The following LIN52 variants were observed in gnomAD, a reference collection of about 807,000 sequenced individuals.
LIN52 encodes protein lin-52 homolog.
LIN52 carries 4 observed loss-of-function variants against 18.5 expected under a neutral mutation model. That is an observed-to-expected ratio of 0.22 (90% CI 0.11 to 0.49). The LOEUF is 0.49. LIN52 is among the 20% of genes least tolerant of loss of function. The pLI is 0.97. For missense variants in LIN52, 102 were observed against 139.5 expected (o/e 0.73, Z 1.35); for synonymous variants, 34 against 45.5 (o/e 0.75, Z 1.02).
chr14:74,121,888 A>G (rs1476584959), intron 5 of LIN52, among the ~76,000 whole-genome samples: 1 of 151,898 alleles, frequency 6.6e-6, no homozygotes, highest in Non-Finnish European at 1.5e-5. Flanking sequence ...ACGCGTGGCT[A>G]ATTTTTGGAT....
chr14:74,153,768 T>C (rs576388371), intron 5 of LIN52, among the ~76,000 whole-genome samples: 1 of 152,286 alleles, frequency 6.6e-6, no homozygotes, highest in South Asian at 2.1e-4. Context: ...GGTTTCGAAC[T>C]GCTGACTTCA....
intron 5 of LIN52, among the ~76,000 whole-genome samples, chr14:74,189,943 A>T (rs974222656): frequency 1.2e-4 from 18 of 152,162 alleles, no homozygotes; most frequent in African/African-American, 4.1e-4. Flanking sequence ...AATGGGTGTT[A>T]CTATGAATTG....
chr14:74,137,165 TATATATA>T (rs1343914969), intron 5 of LIN52, among the ~76,000 whole-genome samples: 2 of 140,290 alleles, frequency 1.4e-5, no homozygotes, highest in African/African-American at 5.2e-5. Flanking sequence ...AATATATATA[TATATATA>T]TTTTTTTAAT....
At chr14:74,181,767 AT>A (rs1166247053) in intron 5 of LIN52, among the ~76,000 whole-genome samples, 2 of 152,200 alleles carry the variant, frequency 1.3e-5, no homozygotes, top group African/African-American at 4.8e-5. Flanking sequence ...TCAATATCAA[AT>A]ATTCTGAAAA....
At chr14:74,089,272 T>A (rs1416933050) in intron 1 of LIN52, among the ~76,000 whole-genome samples, 1 of 152,134 alleles carries the variant, frequency 6.6e-6, no homozygotes, top group Non-Finnish European at 1.5e-5. Context: ...GGGTTTTTGA[T>A]CTGAGAATTG....
chr14:74,132,631 C>T (rs1263314158), intron 5 of LIN52, among the ~76,000 whole-genome samples: 1 of 152,180 alleles, frequency 6.6e-6, no homozygotes, highest in Non-Finnish European at 1.5e-5. Flanking sequence ...GCCTCAGCCT[C>T]CCGAGTAGCT....
At chr14:74,092,180 C>A (rs1293642899) in intron 2 of LIN52, among the ~76,000 whole-genome samples, 2 of 151,504 alleles carry the variant, frequency 1.3e-5, no homozygotes, top group African/African-American at 4.9e-5. Context: ...CCATGTTGGC[C>A]AGGCTGGTCT....
intron 5 of LIN52, among the ~76,000 whole-genome samples, chr14:74,197,371 G>A (rs1247206997): frequency 1.3e-5 from 2 of 152,208 alleles, no homozygotes; most frequent in Non-Finnish European, 2.9e-5. Context: ...AATCAGAAAT[G>A]TTAACATCTC....
chr14:74,122,163 G>A (rs1411991826), intron 5 of LIN52, among the ~76,000 whole-genome samples: 1 of 152,182 alleles, frequency 6.6e-6, no homozygotes, highest in African/African-American at 2.4e-5. Context: ...CGGAACTGTA[G>A]TAAAATTTAA....
intron 5 of LIN52, among the ~76,000 whole-genome samples, chr14:74,136,143 T>TA (rs2061096471): frequency 6.6e-6 from 1 of 152,258 alleles, no homozygotes; most frequent in Non-Finnish European, 1.5e-5. Context: ...TAACAAAACC[T>TA]AGAGTTATTG....
At chr14:74,124,576 T>G (rs954782089) in intron 5 of LIN52, among the ~76,000 whole-genome samples, 12 of 151,974 alleles carry the variant, frequency 7.9e-5, no homozygotes, top group Non-Finnish European at 1.6e-4. Context: ...TTTGGAAGGC[T>G]GAGGTGGGAG....
chr14:74,179,373 C>T (rs556990500), intron 5 of LIN52, among the ~76,000 whole-genome samples: 3 of 152,158 alleles, frequency 2.0e-5, no homozygotes, highest in South Asian at 2.1e-4. Context: ...AATTCTAATT[C>T]TTTGGGCCGG....
intron 5 of LIN52, among the ~76,000 whole-genome samples, chr14:74,160,182 C>T (rs996414357): frequency 6.6e-6 from 1 of 152,110 alleles, no homozygotes; most frequent in Non-Finnish European, 1.5e-5. Flanking sequence ...AAAGTTTGGA[C>T]ATGGAGACAG....
At position 74,160,848 on chromosome 14, in the gene LIN52, C is replaced by A. The variant is rs138726156; in HGVS notation, c.284-38074C>A. On this transcript the variant is annotated intron_variant, in intron 5 of 5. Coordinates refer to ENST00000555028, the MANE Select transcript of LIN52 (RefSeq NM_001024674.3). ...AATTCATGAGACTCATATATCCTAGCTAGTTTTAATTAATTTTGCAAGGAA... is the reference window on the plus strand; with the variant it reads ...AATTCATGAGACTCATATATCCTAGATAGTTTTAATTAATTTTGCAAGGAA... 1.1e-3 allele frequency among the ~76,000 whole-genome samples: 169 copies of A among 152,268 alleles called. 1 individual carries two copies. Among genetic ancestry groups the A allele is most frequent in the African/African-American group, 3.8e-3 (158 of 41,544 alleles).
At chr14:74,144,279 A>AT (rs753886362) in intron 5 of LIN52, among the ~76,000 whole-genome samples, 2,792 of 144,580 alleles carry the variant, frequency 0.019, 53 homozygotes, top group African/African-American at 0.051. Flanking sequence ...CACCCAGCTA[A>AT]TTTTTTTTTT....
chr14:74,094,873 A>G (rs1468422950), intron 2 of LIN52, among the ~76,000 whole-genome samples: 1 of 151,648 alleles, frequency 6.6e-6, no homozygotes, highest in African/African-American at 2.4e-5. Context: ...GACTACAGGC[A>G]CATGCCGCCA....
chr14:74,168,409 C>A (rs1045822108), intron 5 of LIN52, among the ~76,000 whole-genome samples: 4 of 152,208 alleles, frequency 2.6e-5, no homozygotes, highest in Admixed American at 1.3e-4. Context: ...TGGCTCACGC[C>A]TGTAGTCCCA....
intron 1 of LIN52, among the ~76,000 whole-genome samples, chr14:74,088,342 C>T (rs938363246): frequency 6.6e-6 from 1 of 152,110 alleles, no homozygotes; most frequent in African/African-American, 2.4e-5. Flanking sequence ...GCACTCACCT[C>T]GGCCTCCCAA....
chr14:74,107,968 A>G (rs990865928), intron 5 of LIN52, among the ~76,000 whole-genome samples: 1 of 152,054 alleles, frequency 6.6e-6, no homozygotes, highest in African/African-American at 2.4e-5. Flanking sequence ...ACCACAACCA[A>G]TTTTACAACA....
Sources: gnomAD v4.1 joint callset for allele counts (sites outside exome capture counted in the v4.1 genomes callset) on GRCh38, gnomAD v4.1.1 for gene constraint, MANE v1.5 for transcripts, NCBI Gene and HGNC (gene_info 2026-07-23, HGNC 2026-07-21) for gene names.